Variants in KIF13B observed in about 807,000 individuals in gnomAD.
KIF13B encodes kinesin family member 13B.
KIF13B carries 127 observed loss-of-function variants against 222.0 expected under a neutral mutation model. The observed-to-expected ratio is 0.57, with a 90% CI of 0.50 to 0.66. KIF13B has a LOEUF of 0.66. Ranked by LOEUF, KIF13B falls within the 30% of genes least tolerant of loss-of-function variation. The pLI, the probability that KIF13B is intolerant of heterozygous loss-of-function variation, is 0.00. For synonymous variants in KIF13B, 976 were observed against 919.0 expected, an observed-to-expected ratio of 1.06 and a Z score of -1.12; for missense variants, 2,173 against 2,379.0, an observed-to-expected ratio of 0.91 and a Z score of 1.80.
intron 2 of KIF13B, among the ~76,000 whole-genome samples, chr8:29,206,174 C>T (rs916041292): frequency 6.6e-6 from 1 of 152,080 alleles, no homozygotes; most frequent in African/African-American, 2.4e-5. Flanking sequence ...TCTGTAATCC[C>T]AGCACTTTCG....
chr8:29,091,215 AAC>A (rs954065444), intron 37 of KIF13B, among the ~76,000 whole-genome samples: 3 of 152,192 alleles, frequency 2.0e-5, no homozygotes, highest in Non-Finnish European at 4.4e-5. Flanking sequence ...ATTTGTTTCT[AAC>A]ACACTGTTGT....
At chr8:29,217,495 AG>A (rs774741764) in intron 2 of KIF13B, among the ~76,000 whole-genome samples, 1 of 152,344 alleles carries the variant, frequency 6.6e-6, no homozygotes, top group East Asian at 1.9e-4. Context: ...ATTGCTATGA[AG>A]ATTAGAACAG....
chr8:29,099,709 T>C (rs568069017), intron 35 of KIF13B, among the ~76,000 whole-genome samples: 198 of 152,270 alleles, frequency 1.3e-3, no homozygotes, highest in Non-Finnish European at 2.3e-3. Context: ...CTTATTTTAT[T>C]AATTTCTCCA....
rs747335455 is a variant in KIF13B at position 29,134,068 on chromosome 8, T to C, written c.2756A>G (p.His919Arg). The C allele has an allele frequency of 1.5e-5, 24 of 1,613,872 alleles. No homozygotes were observed. The African/African-American group carries it at 3.1e-4, about 21-fold the overall frequency. The change falls in exon 22 of 40, where the codon CAC (histidine) becomes CGC (arginine). Residue 919 changes from histidine to arginine, a missense_variant. Coordinates refer to ENST00000524189, the MANE Select transcript of KIF13B (RefSeq NM_015254.4). ...GCAATGATCAAAGACAACCATGCAG[T>C]GCGGCTCCTTGCTGACGGAAGAGGA... ...TSSSSVSKEP[H>R]CMVVFDHCNE... is the part of the protein sequence containing the mutation.
intron 14 of KIF13B, among the ~76,000 whole-genome samples, chr8:29,152,890 T>C (rs11997322): frequency 0.035 from 5,308 of 152,298 alleles, 306 homozygotes; most frequent in African/African-American, 0.12. Flanking sequence ...AAAGTATTTT[T>C]AAGTTAAGGA....
At position 29,228,472 on chromosome 8, in the gene KIF13B, A is replaced by T. The variant is rs565958783; in HGVS notation, c.149+16874T>A. Among the ~76,000 whole-genome samples the T allele has an allele frequency of 4.6e-4, 54 of 117,084 alleles. 2 individuals are homozygous for T. The highest frequency in any genetic ancestry group is 6.2e-4 in the Non-Finnish European group (35 of 56,650). 76.8% of individuals were successfully genotyped at this position (117,084 alleles called of 152,430 possible). The stretch of plus-strand genomic sequence containing the variant: ...ACAGAGCCAGACTCCATCTTAAAAA[A>T]ATATATATATATATATATGAGATAC... On this transcript the variant is annotated intron_variant, in intron 2 of 39. Transcript: ENST00000524189.
At chr8:29,262,925 C>T in intron 1 of KIF13B, 55 bp downstream of exon 1, 4 of 1,442,078 alleles carry the variant, frequency 2.8e-6, no homozygotes, top group Non-Finnish European at 3.7e-6. Flanking sequence ...GAGGGAAGGG[C>T]GCGCCAGGCA....
chr8:29,188,536 T>C lies in KIF13B; in HGVS notation c.295A>G (p.Ile99Val). The C allele has an allele frequency of 2.5e-6, 4 of 1,608,656 alleles. No individual in the cohort carries two copies. The highest frequency in any genetic ancestry group is 3.4e-6 in the Non-Finnish European group (4 of 1,175,370). ...TTACCAGTCTGTCCATAGGCAAAGA[T>C]ACATGCATTGTAGCCATCAAAAGCA... ...QNAFDGYNAC[I>V]FAYGQTGSGK... Residue 99 changes from isoleucine (I) to valine (V), a missense_variant, in exon 5 of 40, where the codon ATC (isoleucine) becomes GTC (valine). Physicochemically the swap from Ile to Val is conservative, Grantham distance 29 (BLOSUM62 3). This residue lies in a region of KIF13B where 1,480 missense variants were observed against 1,722.8 expected (regional missense o/e 0.86). Coordinates refer to ENST00000524189, the MANE Select transcript of KIF13B (RefSeq NM_015254.4).
chr8:29,191,327 A>G (rs1813175147), intron 3 of KIF13B, among the ~76,000 whole-genome samples: 1 of 152,100 alleles, frequency 6.6e-6, no homozygotes, highest in South Asian at 2.1e-4. Flanking sequence ...AATTACATCT[A>G]TAGTTTATTT....
At chr8:29,241,853 A>AT (rs34946980) in intron 2 of KIF13B, among the ~76,000 whole-genome samples, 52 of 152,132 alleles carry the variant, frequency 3.4e-4, no homozygotes, top group African/African-American at 1.0e-3. Context: ...GAGACAAAAT[A>AT]TTTTTTTTAA....
At chr8:29,240,549 T>C (rs1469540748) in intron 2 of KIF13B, among the ~76,000 whole-genome samples, 2 of 152,238 alleles carry the variant, frequency 1.3e-5, no homozygotes, top group Non-Finnish European at 2.9e-5. Context: ...TCTTTAGAAC[T>C]TTTTGTATAT....
chr8:29,144,442 G>C (rs1810963030), intron 18 of KIF13B, among the ~76,000 whole-genome samples: 1 of 152,042 alleles, frequency 6.6e-6, no homozygotes, highest in South Asian at 2.1e-4. Context: ...ATTTTTAATA[G>C]AGATGGGGTT....
chr8:29,145,117 G>GT (rs1811001641), intron 18 of KIF13B, among the ~76,000 whole-genome samples: 3 of 152,134 alleles, frequency 2.0e-5, no homozygotes, highest in Admixed American at 2.0e-4. Context: ...TCGGTTTTTG[G>GT]TGAGTCCTAC....
intron 2 of KIF13B, 89 bp downstream of exon 2, chr8:29,245,257 A>G: frequency 4.7e-6 from 4 of 852,584 alleles, no homozygotes; most frequent in Non-Finnish European, 7.7e-6. Flanking sequence ...TAGGCATTCG[A>G]TATCTATTCA....
chr8:29,142,930 G>A (rs1810883737), intron 18 of KIF13B, among the ~76,000 whole-genome samples: 1 of 152,094 alleles, frequency 6.6e-6, no homozygotes, highest in African/African-American at 2.4e-5. Flanking sequence ...ATAGCTCACT[G>A]CAGCCTCGAA....
At chr8:29,149,719 G>A (rs1347072075) in intron 15 of KIF13B, among the ~76,000 whole-genome samples, 1 of 152,130 alleles carries the variant, frequency 6.6e-6, no homozygotes, top group Non-Finnish European at 1.5e-5. Context: ...AGTGCAGCAT[G>A]GCCAACTTCA....
At chr8:29,168,338 A>G (rs1168699232) in intron 10 of KIF13B, among the ~76,000 whole-genome samples, 1 of 152,164 alleles carries the variant, frequency 6.6e-6, no homozygotes, top group Admixed American at 6.5e-5. Context: ...TTAAAAATAG[A>G]GATTTAACTC....
At position 29,242,734 on chromosome 8, in the gene KIF13B, C is replaced by T. The variant is rs576492058; in HGVS notation, c.149+2612G>A. On this transcript the variant is annotated intron_variant, in intron 2 of 39. Coordinates refer to ENST00000524189, the MANE Select transcript of KIF13B (RefSeq NM_015254.4). ...AGGAAGAGTTCGTCATTTATCTTTT[C>T]CATATTTGCCAAAAACGTCCTTTCG... 7.2e-4 allele frequency among the ~76,000 whole-genome samples: 110 copies of T among 152,328 alleles called. 2 individuals carry two copies. In the South Asian group the frequency reaches 0.017, roughly 24 times the overall value.
chr8:29,214,542 C>T (rs1814388641), intron 2 of KIF13B, among the ~76,000 whole-genome samples: 1 of 152,170 alleles, frequency 6.6e-6, no homozygotes, highest in Admixed American at 6.5e-5. Context: ...GATAACAGTG[C>T]CTTCTTTTGT....
Sources: gnomAD v4.1 joint callset for allele counts (sites outside exome capture counted in the v4.1 genomes callset) on GRCh38, gnomAD v4.1.1 for gene constraint, gnomAD v4.1.1 regional missense constraint, MANE v1.5 for transcripts, NCBI Gene and HGNC (gene_info 2026-07-23, HGNC 2026-07-21) for gene names.